Variants in MLF1 observed in about 807,000 individuals in gnomAD.
The protein encoded by MLF1 is myelodysplasia-myeloid leukemia factor 1.
Under a neutral mutation model 38.3 loss-of-function variants are expected in MLF1, and 37 were observed. That is an observed-to-expected ratio of 0.96 (90% confidence interval 0.74 to 1.27). The LOEUF is 1.27. Ranked by LOEUF, MLF1 falls within the 50% of genes most tolerant of loss-of-function variation. The pLI is 0.00. For synonymous variants in MLF1, 95 were observed against 106.5 expected (o/e 0.89, Z 0.66); for missense variants, 331 against 349.2 (o/e 0.95, Z 0.42).
chr3:158,605,189 G>A lies in MLF1; in HGVS notation c.839G>A (p.Ser280Asn). The change falls in exon 8 of 8, where the codon AGC (serine) becomes AAC (asparagine). Residue 280 changes from serine to asparagine, a missense_variant. By Grantham distance (46) the Ser-to-Asn change is conservative (BLOSUM62 1). Coordinates refer to ENST00000466246, the MANE Select transcript of MLF1 (RefSeq NM_001369783.1). ...CACATCAAAGGCTCATCTGTGAAAAGCAACAAAAAATAAATAGCCATGCAT... is the reference window on the plus strand; with the variant it reads ...CACATCAAAGGCTCATCTGTGAAAAACAACAAAAAATAAATAGCCATGCAT... The part of the protein sequence containing the change: ...KLHIKGSSVK[S>N]NKK The A allele has an allele frequency of 6.2e-7, 1 of 1,612,218 alleles. No individual in the cohort carries two copies. The highest frequency in any genetic ancestry group is 1.7e-5 in the Admixed American group (1 of 59,792).
At chr3:158,582,713 A>C (rs1407683226) in intron 1 of MLF1, 1 of 502,916 alleles carries the variant, frequency 2.0e-6, no homozygotes, top group Non-Finnish European at 3.5e-6. Flanking sequence ...AGAGGAAAAA[A>C]ACCCACTGAC....
rs758651160 is a variant in MLF1 at position 158,571,260 on chromosome 3, C to T, written c.-41C>T. 10 of 1,528,542 alleles carry T rather than the reference C, an allele frequency of 6.5e-6. No homozygotes were observed. The highest frequency in any genetic ancestry group is 9.0e-7 in the Non-Finnish European group (1 of 1,105,448). The allele number at this position is 1,528,542 out of a possible 1,614,324, so 94.7% of individuals were successfully genotyped here. A position where few individuals can be genotyped will look rare whatever the true frequency, so the allele number is the denominator to read the frequency against. On this transcript the variant is annotated 5_prime_UTR_variant, in exon 1 of 8. Coordinates refer to ENST00000466246, the MANE Select transcript of MLF1 (RefSeq NM_001369783.1). ...GCCGCGGCGAGTTAACATCGTTTTTCCAATCTGTCCGCGGCTGCCGCCACC... is the reference window on the plus strand; with the variant it reads ...GCCGCGGCGAGTTAACATCGTTTTTTCAATCTGTCCGCGGCTGCCGCCACC...
intron 6 of MLF1, among the ~76,000 whole-genome samples, chr3:158,601,567 C>A (rs1204892642): frequency 6.7e-6 from 1 of 148,848 alleles, no homozygotes; most frequent in Non-Finnish European, 1.5e-5. Context: ...GAGACTCTGT[C>A]TCAAAAAAAT....
At chr3:158,582,694 A>G (rs957924853) in intron 1 of MLF1, 3 of 477,678 alleles carry the variant, frequency 6.3e-6, no homozygotes, top group Admixed American at 8.4e-5. Flanking sequence ...TGAAATATAT[A>G]AAGTGTTGAG....
chr3:158,599,508 T>C (rs1461369747), intron 5 of MLF1, among the ~76,000 whole-genome samples: 1 of 152,218 alleles, frequency 6.6e-6, no homozygotes, highest in Non-Finnish European at 1.5e-5. Context: ...ATTTTAACTT[T>C]CTAAAAGTGA....
intron 1 of MLF1, among the ~76,000 whole-genome samples, chr3:158,580,693 C>T (rs1184118004): frequency 6.6e-6 from 1 of 151,478 alleles, no homozygotes; most frequent in African/African-American, 2.4e-5. Context: ...TGGTTGCTCA[C>T]ACCTGTAATC....
chr3:158,581,161 A>G (rs1716287948), intron 1 of MLF1, among the ~76,000 whole-genome samples: 1 of 152,188 alleles, frequency 6.6e-6, no homozygotes, highest in African/African-American at 2.4e-5. Context: ...GTGCGAGGGT[A>G]GTAGGAAAAC....
intron 1 of MLF1, among the ~76,000 whole-genome samples, chr3:158,589,723 ATCT>A (rs1717845755): frequency 6.6e-6 from 1 of 151,572 alleles, no homozygotes. Flanking sequence ...ACAACAAATC[ATCT>A]TATGGTGGAG....
intron 1 of MLF1, among the ~76,000 whole-genome samples, chr3:158,576,296 A>G (rs896315368): frequency 3.9e-5 from 6 of 152,196 alleles, no homozygotes; most frequent in Non-Finnish European, 7.3e-5. Context: ...CTGTTACTTG[A>G]TTAAAAACAC....
At chr3:158,600,278 T>C (rs754700677) in intron 6 of MLF1, 105 bp downstream of exon 6, 4 of 557,008 alleles carry the variant, frequency 7.2e-6, no homozygotes, top group Non-Finnish European at 1.1e-5. Flanking sequence ...AGTTTTTGAA[T>C]AATGCATGTA....
chr3:158,580,746 G>A (rs964977678), intron 1 of MLF1, among the ~76,000 whole-genome samples: 12 of 149,480 alleles, frequency 8.0e-5, no homozygotes, highest in Admixed American at 7.4e-4. Flanking sequence ...CCAGGAGCTC[G>A]AGACCAGCCT....
intron 6 of MLF1, among the ~76,000 whole-genome samples, chr3:158,601,506 G>C (rs950710046): frequency 6.6e-6 from 1 of 152,262 alleles, no homozygotes; most frequent in South Asian, 2.1e-4. Flanking sequence ...GGAGGCGGAG[G>C]TTGCAGTGAG....
intron 1 of MLF1, chr3:158,582,917 A>G: frequency 1.5e-6 from 1 of 688,450 alleles, no homozygotes; most frequent in South Asian, 1.6e-5. Flanking sequence ...AGAGCATCAG[A>G]GAATAAGTTA....
chr3:158,574,528 T>C (rs5853831), intron 1 of MLF1, among the ~76,000 whole-genome samples: 1 of 66,984 alleles, frequency 1.5e-5, no homozygotes, highest in African/African-American at 3.7e-5. Flanking sequence ...AAAAAAAAAA[T>C]ACAAAATTAG....
In MLF1 at chr3:158,605,169, C is replaced by T. The variant is rs1377986723; in HGVS notation, c.819C>T (p.Ile273=). 6.2e-7 allele frequency: 1 copy of T among 1,613,576 alleles called. No homozygotes were observed. Among genetic ancestry groups the T allele is most frequent in the Non-Finnish European group, 8.5e-7 (1 of 1,179,844 alleles). ...RSNVLGDKLH[I]KGSSVKSNKK is the part of the protein sequence containing the mutation. ...ATGTTTTGGGGGACAAACTCCACAT[C>T]AAAGGCTCATCTGTGAAAAGCAACA... The change falls in exon 8 of 8, where the codon ATC becomes ATT. Residue 273 remains isoleucine, a synonymous_variant. Coordinates refer to ENST00000466246, the MANE Select transcript of MLF1 (RefSeq NM_001369783.1).
At chr3:158,596,786 AGCTGTTTTG>A in intron 3 of MLF1, 67 bp from the exon 4 acceptor site, 1 of 850,742 alleles carries the variant, frequency 1.2e-6, no homozygotes, top group Admixed American at 2.6e-5. Context: ...AAAATGTTTT[AGCTGTTTTG>A]GAAGATGTAT....
In MLF1 at chr3:158,580,460, G is replaced by A. The variant is rs575385951; in HGVS notation, c.47+9113G>A. Among the ~76,000 whole-genome samples, 8 of 152,040 alleles carry A rather than the reference G, an allele frequency of 5.3e-5. No homozygotes were observed. The South Asian group carries it at 6.2e-4, about 12-fold the overall frequency. On this transcript the variant is annotated intron_variant, in intron 1 of 7. Coordinates refer to ENST00000466246, the MANE Select transcript of MLF1 (RefSeq NM_001369783.1). Reference sequence around the variant, plus strand: ...AGTGTGCTAAAACATGAGCTGCTCCGTGTGTACTATTGATCTGTACACACT... The same window carrying A: ...AGTGTGCTAAAACATGAGCTGCTCCATGTGTACTATTGATCTGTACACACT...
chr3:158,579,054 C>T (rs918086121), intron 1 of MLF1, among the ~76,000 whole-genome samples: 5 of 152,098 alleles, frequency 3.3e-5, no homozygotes, highest in South Asian at 4.1e-4. Context: ...ATATTTCTCA[C>T]ATAAATCTTT....
intron 1 of MLF1, chr3:158,591,289 A>T (rs1288269856): frequency 5.1e-6 from 2 of 394,768 alleles, no homozygotes; most frequent in Non-Finnish European, 9.7e-6. Flanking sequence ...CCTCCGGAGT[A>T]GCTGGGATTA....
Sources: allele counts gnomAD v4.1 joint callset (sites outside exome capture counted in the v4.1 genomes callset), GRCh38; gene constraint gnomAD v4.1.1; transcripts MANE v1.5; gene names NCBI Gene and HGNC (gene_info 2026-07-23, HGNC 2026-07-21).